Variants in ZBTB17 observed in about 807,000 individuals in gnomAD.
ZBTB17 encodes zinc finger and BTB domain containing 17.
A neutral mutation model predicts 85.1 loss-of-function variants in ZBTB17; 24 were observed. The ratio of observed to expected loss-of-function variants is 0.28; its 90% CI spans 0.20 to 0.40. The LOEUF (loss-of-function observed/expected upper bound fraction) is 0.40. Among genes scored for constraint, ZBTB17 ranks in the 10% least tolerant of loss-of-function variants. The pLI is 1.00. For missense variants in ZBTB17, 743 were observed against 1,105.1 expected (o/e 0.67, Z 4.65); for synonymous variants, 464 against 460.2 (o/e 1.01, Z -0.11).
At chr1:15,969,612 G>GA in intron 2 of ZBTB17, 2 of 420,340 alleles carry the variant, frequency 4.8e-6, no homozygotes, top group Non-Finnish European at 9.5e-6. Context: ...GGAGGGTGGG[G>GA]GGAGCAGGGC....
intron 2 of ZBTB17, among the ~76,000 whole-genome samples, chr1:15,961,543 C>T (rs1416817134): frequency 1.3e-5 from 2 of 152,190 alleles, no homozygotes; most frequent in East Asian, 1.9e-4. Context: ...GTTTTAAAAA[C>T]GGATGCGGAA....
Position 15,945,161 on chromosome 1 carries a change from T to G in ZBTB17, c.703A>C (p.Lys235Gln). The change falls in exon 7 of 16, where the codon AAG becomes CAG. Residue 235 changes from lysine to glutamine, a missense_variant. By Grantham distance (53) the Lys-to-Gln change is moderately conservative (BLOSUM62 1). Around this residue, in one of 4 missense-constraint regions of ZBTB17, gnomAD observed 279 missense variants for 269.9 expected, o/e 1.03. Coordinates refer to ENST00000375743, the MANE Select transcript of ZBTB17 (RefSeq NM_003443.3). ...EPARKGEEEQ[K>Q]EQEEQEEEGA... ...TCCTCCTCTTGCTCCTCTTGCTCCTTTTGCTCCTCTTCCCCTTTCCGGGCG... is the reference window on the plus strand; with the variant it reads ...TCCTCCTCTTGCTCCTCTTGCTCCTGTTGCTCCTCTTCCCCTTTCCGGGCG... 2.5e-6 allele frequency: 4 copies of G among 1,572,668 alleles called. No homozygotes were observed. The highest frequency in any genetic ancestry group is 3.5e-6 in the Non-Finnish European group (4 of 1,158,856).
chr1:15,945,001 C>T lies in ZBTB17; in HGVS notation c.863G>A (p.Arg288His), dbSNP rs1426817068. ...CGTGCGGTCGCCGTAGGTGCCTGAG[C>T]GCAGGCCCCGGGCCTCGGAGCCGAG... is the stretch of plus-strand genomic sequence containing the variant. ...QELGSEARGL[R>H]SGTYGDRTES... Residue 288 changes from arginine to histidine, a missense_variant, in exon 7 of 16, where the codon CGC (arginine) becomes CAC (histidine). Physicochemically the swap from Arg to His is conservative, Grantham distance 29. Transcript: ENST00000375743. 5.0e-6 allele frequency: 8 copies of T among 1,592,618 alleles called. No individual in the cohort carries two copies. The highest frequency in any genetic ancestry group is 6.0e-6 in the Non-Finnish European group (7 of 1,172,046).
chr1:15,965,900 G>T (rs2072424802), intron 2 of ZBTB17, among the ~76,000 whole-genome samples: 1 of 152,158 alleles, frequency 6.6e-6, no homozygotes, highest in Non-Finnish European at 1.5e-5. Context: ...AAAACTCAGG[G>T]ATGACTTGGG....
intron 2 of ZBTB17, among the ~76,000 whole-genome samples, chr1:15,961,906 A>G (rs2072273485): frequency 6.6e-6 from 1 of 152,176 alleles, no homozygotes; most frequent in African/African-American, 2.4e-5. Context: ...ATGTTAATAT[A>G]TATGCTTTAT....
chr1:15,943,221 A>G (rs773915412), intron 12 of ZBTB17, 27 bp from the exon 13 acceptor site: 1 of 1,614,088 alleles, frequency 6.2e-7, no homozygotes, highest in Non-Finnish European at 8.5e-7. Flanking sequence ...AGGGACTCGC[A>G]TGGAACTGCC....
Position 15,945,191 on chromosome 1 carries a change from C to G in ZBTB17, c.673G>C (p.Glu225Gln). ...SESSEQEMEV[E>Q]PARKGEEEQK... ...TCCTCTTCCCCTTTCCGGGCGGGCTCCACCTCCATTTCTGCGGAGAAAAGG... is the reference window on the plus strand; with the variant it reads ...TCCTCTTCCCCTTTCCGGGCGGGCTGCACCTCCATTTCTGCGGAGAAAAGG... Residue 225 changes from glutamate to glutamine, a missense_variant, in exon 7 of 16, where the codon GAG (glutamate) becomes CAG (glutamine). Transcript: ENST00000375743. The G allele has an allele frequency of 1.9e-6, 3 of 1,554,154 alleles. No homozygotes were observed. Among genetic ancestry groups the G allele is most frequent in the Non-Finnish European group, 2.6e-6 (3 of 1,148,528 alleles).
intron 12 of ZBTB17, 22 bp from the exon 13 acceptor site, chr1:15,943,216 C>A: frequency 1.2e-6 from 2 of 1,614,134 alleles, no homozygotes; most frequent in Non-Finnish European, 1.7e-6. Flanking sequence ...CAGGAAGGGA[C>A]TCGCATGGAA....
intron 2 of ZBTB17, among the ~76,000 whole-genome samples, chr1:15,960,985 A>G (rs986626324): frequency 2.6e-5 from 4 of 151,654 alleles, no homozygotes; most frequent in Non-Finnish European, 5.9e-5. Flanking sequence ...GTGCTGGTGC[A>G]TGCCTGTGGT....
chr1:15,967,283 G>T (rs145568940), intron 2 of ZBTB17, among the ~76,000 whole-genome samples: 1 of 151,980 alleles, frequency 6.6e-6, no homozygotes, highest in Non-Finnish European at 1.5e-5. Flanking sequence ...GGCTGAGTCA[G>T]GAAGATCGCT....
At chr1:15,944,022 C>A in intron 9 of ZBTB17, 127 bp from the exon 10 acceptor site, 1 of 1,070,810 alleles carries the variant, frequency 9.3e-7, no homozygotes, top group African/African-American at 1.6e-5. Context: ...CTCTATCTCT[C>A]CTGGGTCAGG....
chr1:15,945,972 G>A (rs1204172172), intron 5 of ZBTB17, 132 bp from the exon 6 acceptor site: 9 of 1,549,972 alleles, frequency 5.8e-6, no homozygotes, highest in Admixed American at 1.7e-5. Flanking sequence ...CCTAGCCAAG[G>A]CTGTTGTGTC....
intron 3 of ZBTB17, chr1:15,947,439 T>C (rs2071654532): frequency 2.8e-6 from 1 of 357,134 alleles, no homozygotes; most frequent in Admixed American, 4.1e-5. Context: ...AAGGTGCAAC[T>C]GTCCGCCCTG....
chr1:15,948,547 AC>A lies in ZBTB17; in HGVS notation c.-2-51del, dbSNP rs776470613. On this transcript the variant is annotated intron_variant, in intron 2 of 15. Transcript: ENST00000375743. ...GGTTAGCACGGAGAAAGGACGTCAG[AC>A]ACGCTCAACAGTCACTCCTAAAGTC... 40 of 1,565,196 alleles carry A rather than the reference AC, an allele frequency of 2.6e-5. 2 individuals carry two copies. The South Asian group carries it at 4.5e-4, about 18-fold the overall frequency.
At position 15,973,237 on chromosome 1, in the gene ZBTB17, G is replaced by A. The variant is rs1557801625; in HGVS notation, c.-89-112C>T. 1.3e-5 allele frequency: 2 copies of A among 152,202 alleles called. No individual in the cohort carries two copies. The highest frequency in any genetic ancestry group is 2.9e-5 in the Non-Finnish European group (2 of 68,052). The allele number at this position is 152,202 out of a possible 1,614,324, so 9.4% of individuals were successfully genotyped here. ...AACATAGACAAATACAGAGTGCTTA[G>A]CACAGAGCCTGGCCCAAGGAAGTGC... is the stretch of plus-strand genomic sequence containing the variant. On this transcript the variant is annotated intron_variant, in intron 1 of 15. Transcript: ENST00000375743. This position sits in a 1 kb window ranked among gnomAD's most constrained non-coding sequence, Gnocchi z 4.1.
At position 15,964,406 on chromosome 1, in the gene ZBTB17, T is replaced by C. The variant is rs2072367356; in HGVS notation, c.-3+8633A>G. On this transcript the variant is annotated intron_variant, in intron 2 of 15. Transcript: ENST00000375743. This position sits in a 1 kb window ranked among gnomAD's most constrained non-coding sequence, Gnocchi z 4.3. ...AAACATACCAACAATTTTTATGGCA[T>C]TTGACAAATGTAATCTAACATGACA... Among the ~76,000 whole-genome samples the C allele has an allele frequency of 6.6e-6, 1 of 152,206 alleles. No homozygotes were observed. The highest frequency in any genetic ancestry group is 1.5e-5 in the Non-Finnish European group (1 of 68,036).
At chr1:15,954,309 T>C (rs773815268) in intron 2 of ZBTB17, among the ~76,000 whole-genome samples, 10 of 152,180 alleles carry the variant, frequency 6.6e-5, no homozygotes, top group Admixed American at 2.0e-4. Flanking sequence ...TGCACTAAAC[T>C]ACCTGCAGGG....
In ZBTB17 at chr1:15,952,577, G is replaced by C. The variant is rs1409611473; in HGVS notation, c.-2-4080C>G. Among the ~76,000 whole-genome samples the C allele has an allele frequency of 6.6e-6, 1 of 152,228 alleles. No individual in the cohort carries two copies. The highest frequency in any genetic ancestry group is 2.4e-5 in the African/African-American group (1 of 41,460). The stretch of plus-strand genomic sequence containing the variant: ...GTCGGAATCTGGATGGCCCAGAGAC[G>C]ACTCTGACATCAGGATGCTGGGACT... On this transcript the variant is annotated intron_variant, in intron 2 of 15. Coordinates refer to ENST00000375743, the MANE Select transcript of ZBTB17 (RefSeq NM_003443.3). The surrounding 1 kb of genome is among the most constrained non-coding windows in gnomAD (Gnocchi z 4.3).
At chr1:15,965,560 C>T (rs1209180541) in intron 2 of ZBTB17, among the ~76,000 whole-genome samples, 2 of 152,216 alleles carry the variant, frequency 1.3e-5, no homozygotes, top group African/African-American at 4.8e-5. Flanking sequence ...GACGCACATA[C>T]CCTGTGACTC....
Sources: allele counts gnomAD v4.1 joint callset (sites outside exome capture counted in the v4.1 genomes callset), GRCh38; gene constraint gnomAD v4.1.1; regional missense constraint gnomAD v4.1.1; non-coding constraint Gnocchi (gnomAD v3.1); transcripts MANE v1.5; gene names NCBI Gene and HGNC (gene_info 2026-07-23, HGNC 2026-07-21).